The following RNF38 variants were observed in gnomAD, a reference collection of about 807,000 sequenced individuals.
RNF38 encodes the protein E3 ubiquitin-protein ligase RNF38.
Under a neutral mutation model 67.2 loss-of-function variants are expected in RNF38, and 15 were observed. That is an observed-to-expected ratio of 0.22 (90% CI 0.15 to 0.34). RNF38 has a LOEUF of 0.34. Among genes scored for constraint, RNF38 ranks in the 10% least tolerant of loss-of-function variants. RNF38 has a pLI of 1.00. For missense variants in RNF38, 524 were observed against 639.9 expected (o/e 0.82, Z 1.95); for synonymous variants, 220 against 218.8 (o/e 1.01, Z -0.05).
chr9:36,436,762 G>A (rs1015745625), intron 1 of RNF38, among the ~76,000 whole-genome samples: 6 of 146,390 alleles, frequency 4.1e-5, no homozygotes, highest in Admixed American at 3.5e-4. Context: ...GGTGGAGCTT[G>A]CGTGAGCCCA....
chr9:36,380,895 T>C (rs567089212), intron 2 of RNF38, among the ~76,000 whole-genome samples: 1 of 152,332 alleles, frequency 6.6e-6, no homozygotes, highest in South Asian at 2.1e-4. Flanking sequence ...ATTTGTATTT[T>C]TGATGCTCTC....
upstream of RNF38, among the ~76,000 whole-genome samples, chr9:36,401,364 T>A (rs1195306200): frequency 2.0e-5 from 3 of 149,870 alleles, no homozygotes; most frequent in Non-Finnish European, 4.4e-5. Context: ...AGATTTTCTC[T>A]TAGTAAATTG....
Position 36,479,818 on chromosome 9 carries a change from C to T in RNF38, n.241+7490G>A, listed in dbSNP as rs992038149. Among the ~76,000 whole-genome samples the T allele has an allele frequency of 7.9e-5, 12 of 152,002 alleles. No individual in the cohort carries two copies. In the South Asian group the frequency reaches 8.3e-4, roughly 11 times the overall value. On this transcript the variant is annotated intron_variant and non_coding_transcript_variant, in intron 1 of 3. Coordinates refer to the RNF38 transcript ENST00000488058. ...CTTTTTATTAATTATGAGTCCCAGC[C>T]GGGCATAGTGGCTCATTCCTGTAGT...
At chr9:36,422,469 G>T (rs111314081) in intron 2 of RNF38, among the ~76,000 whole-genome samples, 8 of 151,920 alleles carry the variant, frequency 5.3e-5, no homozygotes, top group Admixed American at 5.2e-4. Context: ...GCTGTAATCT[G>T]TAACTTTTCT....
intron 1 of RNF38, among the ~76,000 whole-genome samples, chr9:36,446,618 G>A (rs1210294626): frequency 2.0e-5 from 3 of 149,204 alleles, no homozygotes; most frequent in African/African-American, 7.4e-5. Context: ...ACCAGCCTGG[G>A]CAACATGGTG....
intron 1 of RNF38, among the ~76,000 whole-genome samples, chr9:36,430,965 A>G (rs549815011): frequency 1.8e-4 from 27 of 152,266 alleles, no homozygotes; most frequent in Admixed American, 7.9e-4. Flanking sequence ...TGAACATCCT[A>G]TAATTCTAAC....
intron 1 of RNF38, among the ~76,000 whole-genome samples, chr9:36,393,476 A>AG (rs1564035978): frequency 1.8e-4 from 7 of 38,596 alleles, no homozygotes; most frequent in East Asian, 1.3e-3. Context: ...ACACACACAC[A>AG]TTGTGTGTGT....
intron 1 of RNF38, among the ~76,000 whole-genome samples, chr9:36,470,798 A>G (rs1286973325): frequency 6.6e-6 from 1 of 152,110 alleles, no homozygotes; most frequent in Non-Finnish European, 1.5e-5. Context: ...CCCCATCTCC[A>G]TACAGCATGG....
intron 2 of RNF38, among the ~76,000 whole-genome samples, chr9:36,409,840 G>A (rs994568074): frequency 2.6e-5 from 4 of 152,020 alleles, no homozygotes; most frequent in Admixed American, 6.5e-5. Context: ...GGAAATATGT[G>A]GGCAGATTTC....
Position 36,353,250 on chromosome 9 carries a change from G to A in RNF38, c.991C>T (p.His331Tyr), listed in dbSNP as rs1435879948. 1 of 1,612,178 alleles carries A rather than the reference G, an allele frequency of 6.2e-7. No individual in the cohort carries two copies. The highest frequency in any genetic ancestry group is 8.5e-7 in the Non-Finnish European group (1 of 1,178,652). ...VGGFTYPPSA[H>Y]PPTLPPSAPL... ...GCTGATGGAGGTAATGTTGGGGGGT[G>A]GGCTGATGGAGGGTAAGTAAAACCT... Residue 331 changes from histidine (H) to tyrosine (Y), a missense_variant, in exon 7 of 12, where the codon CAC becomes TAC. Coordinates refer to ENST00000259605, the MANE Select transcript of RNF38 (RefSeq NM_022781.5).
At chr9:36,399,351 T>C (rs886961370) in intron 1 of RNF38, among the ~76,000 whole-genome samples, 1 of 151,994 alleles carries the variant, frequency 6.6e-6, no homozygotes, top group Non-Finnish European at 1.5e-5. Context: ...GCAGAACTTA[T>C]TCAACTATAG....
rs377293631 is a variant in RNF38, at chr9:36,346,309, G to A, written c.1264-1356C>T. Among the ~76,000 whole-genome samples the A allele has an allele frequency of 1.2e-4, 18 of 152,082 alleles. 1 individual carries two copies. Among genetic ancestry groups the A allele is most frequent in the East Asian group, 1.2e-3 (6 of 5,184 alleles). On this transcript the variant is annotated intron_variant, in intron 9 of 11. Coordinates refer to ENST00000259605, the MANE Select transcript of RNF38 (RefSeq NM_022781.5). ...CAACCTCTGCCTCCCAGGTTCAGGCGATTCTCTTGCCTCCTCCTCCTGAGT... is the reference window on the plus strand; with the variant it reads ...CAACCTCTGCCTCCCAGGTTCAGGCAATTCTCTTGCCTCCTCCTCCTGAGT...
upstream of RNF38, among the ~76,000 whole-genome samples, chr9:36,403,292 T>G (rs1280051689): frequency 6.6e-6 from 1 of 152,240 alleles, no homozygotes; most frequent in Admixed American, 6.5e-5. Flanking sequence ...AAAGTCCCAC[T>G]GCAGAACTAA....
chr9:36,406,747 GAA>G (rs1838194122), intron 2 of RNF38, among the ~76,000 whole-genome samples: 2 of 152,244 alleles, frequency 1.3e-5, no homozygotes, highest in South Asian at 4.1e-4. Flanking sequence ...AGCGGGCAGT[GAA>G]AAGAGAGGAA....
At chr9:36,416,742 A>ATTTTTTTTTTT (rs386414907) in intron 2 of RNF38, among the ~76,000 whole-genome samples, 11 of 63,500 alleles carry the variant, frequency 1.7e-4, no homozygotes, top group African/African-American at 5.9e-4. Flanking sequence ...CTGCCTCGAT[A>ATTTTTTTTTTT]TTTTTTTTTT....
intron 1 of RNF38, among the ~76,000 whole-genome samples, chr9:36,484,372 C>T (rs1296462235): frequency 6.6e-6 from 1 of 152,180 alleles, no homozygotes; most frequent in South Asian, 2.1e-4. Context: ...GTCTAACAGG[C>T]TGCGCTAGGC....
chr9:36,377,744 C>T (rs1467072133), intron 2 of RNF38, among the ~76,000 whole-genome samples: 1 of 152,142 alleles, frequency 6.6e-6, no homozygotes, highest in Non-Finnish European at 1.5e-5. Context: ...GTACACACAT[C>T]CTCCCATATA....
chr9:36,460,486 A>G (rs560617695), intron 1 of RNF38, among the ~76,000 whole-genome samples: 1 of 152,192 alleles, frequency 6.6e-6, no homozygotes. Flanking sequence ...TGATCCAGAA[A>G]GTAAGGTAAA....
At chr9:36,388,661 C>T (rs1393966490) in intron 2 of RNF38, among the ~76,000 whole-genome samples, 1 of 152,108 alleles carries the variant, frequency 6.6e-6, no homozygotes, top group Non-Finnish European at 1.5e-5. Context: ...CAATTAACTT[C>T]TTTACTCCTA....
Sources: gnomAD v4.1 joint callset for allele counts (sites outside exome capture counted in the v4.1 genomes callset) on GRCh38, gnomAD v4.1.1 for gene constraint, MANE v1.5 for transcripts, NCBI Gene and HGNC (gene_info 2026-07-23, HGNC 2026-07-21) for gene names.